ZNF263: variants seen among roughly 807,000 people sequenced by gnomAD.
ZNF263 encodes zinc finger protein 263.
ZNF263 carries 49 observed loss-of-function variants against 63.1 expected under a neutral mutation model. The ratio of observed to expected loss-of-function variants is 0.78; its 90% CI spans 0.62 to 0.99. The LOEUF is 0.99. ZNF263 is among the 50% of genes least tolerant of loss of function. ZNF263 has a pLI of 0.00. For missense variants in ZNF263, 872 were observed against 854.8 expected, an observed-to-expected ratio of 1.02 and a Z score of -0.25; for synonymous variants, 352 against 324.2, an observed-to-expected ratio of 1.09 and a Z score of -0.92.
In ZNF263 at chr16:3,283,668, C is replaced by T; in HGVS notation, c.-151C>T. ...ACTGAGGCCTAGGCGCCGGAGCCGG[C>T]CGCGCCTGGGCTGGAGCGGGGCTCC... On this transcript the variant is annotated 5_prime_UTR_variant, in exon 1 of 6. Transcript: ENST00000219069. The T allele has an allele frequency of 1.6e-6, 2 of 1,265,780 alleles. No homozygotes were observed. The highest frequency in any genetic ancestry group is 1.6e-5 in the African/African-American group (1 of 64,226). 78.4% of individuals were successfully genotyped at this position (1,265,780 alleles called of 1,614,324 possible). A position where few individuals can be genotyped will look rare whatever the true frequency, so the allele number is the denominator to read the frequency against.
In ZNF263 at chr16:3,297,456, C is replaced by CTT. The variant is rs1168352573; in HGVS notation, c.152-1625_152-1624dup. ...AGAATACCCATCTCAGAAACAGATTCTTTTTTTTTTTTTTTTTTTTTTTTT... is the reference window on the plus strand; with the variant it reads ...AGAATACCCATCTCAGAAACAGATTCTTTTTTTTTTTTTTTTTTTTTTTTTTT... On this transcript the variant is annotated intron_variant, in intron 1 of 2. Coordinates refer to the ZNF263 transcript ENST00000574674. Among the ~76,000 whole-genome samples the CTT allele has an allele frequency of 2.9e-3, 218 of 76,484 alleles. 34 individuals carry two copies. The highest frequency in any genetic ancestry group is 9.8e-3 in the East Asian group (24 of 2,438). 50.2% of individuals were successfully genotyped at this position (76,484 alleles called of 152,430 possible).
chr16:3,285,567 C>T (rs1366806300), intron 2 of ZNF263, 114 bp from the exon 3 acceptor site: 9 of 1,067,200 alleles, frequency 8.4e-6, no homozygotes, highest in African/African-American at 1.6e-5. Context: ...TGCAGTTTAG[C>T]GTCATTCCCA....
intron 2 of ZNF263, chr16:3,299,433 G>A (rs1441150355): frequency 3.0e-5 from 47 of 1,558,538 alleles, no homozygotes; most frequent in Non-Finnish European, 3.7e-5. Flanking sequence ...CATTTGCTAT[G>A]GTTATTTGTT....
At chr16:3,294,367 G>T (rs781065269), downstream of ZNF263, among the ~76,000 whole-genome samples, 5 of 152,182 alleles carry the variant, frequency 3.3e-5, no homozygotes, top group African/African-American at 7.2e-5. Flanking sequence ...CACGTAAAGT[G>T]TCTTAATGTG....
At chr16:3,301,370 T>C (rs942333300) in exon 3 of ZNF263, 13 of 167,118 alleles carry the variant, frequency 7.8e-5, no homozygotes, top group Non-Finnish European at 1.5e-4. Flanking sequence ...CCAACTTTTA[T>C]TGCATTCAAT....
chr16:3,288,422 G>A, intron 4 of ZNF263, 32 bp from the exon 5 acceptor site: 24 of 1,527,512 alleles, frequency 1.6e-5, no homozygotes, highest in Middle Eastern at 1.7e-4. Context: ...GAAAGTGGCA[G>A]TACAGAAATC....
chr16:3,297,516 G>A (rs1196708113), intron 1 of ZNF263, among the ~76,000 whole-genome samples: 2 of 134,238 alleles, frequency 1.5e-5, no homozygotes, highest in Non-Finnish European at 3.1e-5. Flanking sequence ...CCAGGCTGGA[G>A]TGCAGTGGCG....
downstream of ZNF263, among the ~76,000 whole-genome samples, chr16:3,295,498 C>T (rs1035237797): frequency 1.1e-4 from 17 of 152,310 alleles, no homozygotes; most frequent in South Asian, 4.1e-4. Context: ...GAGGCGGTGG[C>T]GCACCTGCAC....
chr16:3,293,925 T>TTTTTG (rs781588551), downstream of ZNF263, among the ~76,000 whole-genome samples: 2 of 152,306 alleles, frequency 1.3e-5, no homozygotes, highest in South Asian at 2.1e-4. Flanking sequence ...GCTCAGCACT[T>TTTTTG]TTTTGTTTTG....
intron 4 of ZNF263, among the ~76,000 whole-genome samples, chr16:3,287,860 C>G (rs1477819117): frequency 6.6e-6 from 1 of 151,256 alleles, no homozygotes; most frequent in Non-Finnish European, 1.5e-5. Context: ...ATGGATTATT[C>G]AAGGAACTGA....
At position 3,289,837 on chromosome 16, in the gene ZNF263, G is replaced by C; in HGVS notation, c.1331G>C (p.Ser444Thr). The C allele has an allele frequency of 6.2e-7, 1 of 1,614,214 alleles. No homozygotes were observed. The highest frequency in any genetic ancestry group is 8.5e-7 in the Non-Finnish European group (1 of 1,180,044). The change falls in exon 6 of 6, where the codon AGT (serine) becomes ACT (threonine). Residue 444 changes from serine (S) to threonine (T), a missense_variant. Transcript: ENST00000219069. ...TGCCTTGAATGTGGGAAATGCTTCA[G>C]TCAGAACACCCATCTGACTCGCCAC... is the stretch of plus-strand genomic sequence containing the variant. ...HKCLECGKCF[S>T]QNTHLTRHQR...
rs965251986 is a variant in ZNF263, at chr16:3,283,692, C to T, written c.-127C>T. The T allele has an allele frequency of 1.5e-6, 2 of 1,348,742 alleles. No individual in the cohort carries two copies. Among genetic ancestry groups the T allele is most frequent in the Non-Finnish European group, 1.9e-6 (2 of 1,053,964 alleles). The allele number at this position is 1,348,742 out of a possible 1,614,324, so 83.5% of individuals were successfully genotyped here. On this transcript the variant is annotated 5_prime_UTR_variant, in exon 1 of 6. Transcript: ENST00000219069. The stretch of plus-strand genomic sequence containing the variant: ...GCCGCGCCTGGGCTGGAGCGGGGCT[C>T]CTCGGCCTGGACTGGGAGCCCCCGG...
intron 1 of ZNF263, chr16:3,298,832 T>G: frequency 2.5e-6 from 1 of 406,128 alleles, no homozygotes. Context: ...CACAAATGTA[T>G]TATTTTCAAA....
intron 2 of ZNF263, chr16:3,299,393 G>A (rs1252538854): frequency 6.5e-7 from 1 of 1,549,650 alleles, no homozygotes; most frequent in Admixed American, 2.1e-5. Flanking sequence ...TCATATTCAG[G>A]TTCCTTTTTG....
intron 1 of ZNF263, among the ~76,000 whole-genome samples, chr16:3,296,786 A>G (rs1959757616): frequency 7.8e-6 from 1 of 127,532 alleles, no homozygotes. Flanking sequence ...CCTACCTAGG[A>G]ACAATAAAAA....
chr16:3,298,460 G>C (rs1259015969), intron 1 of ZNF263, among the ~76,000 whole-genome samples: 2 of 152,304 alleles, frequency 1.3e-5, no homozygotes, highest in East Asian at 1.9e-4. Flanking sequence ...GGTATACACC[G>C]AAGTGTTGAG....
chr16:3,297,804 C>G (rs142863537), intron 1 of ZNF263, among the ~76,000 whole-genome samples: 1 of 152,242 alleles, frequency 6.6e-6, no homozygotes, highest in East Asian at 1.9e-4. Context: ...AAAGGAAACA[C>G]TGAAAGCCAA....
exon 2 of ZNF263, chr16:3,299,130 AG>A: frequency 6.8e-7 from 1 of 1,475,836 alleles, no homozygotes; most frequent in Non-Finnish European, 9.0e-7. Context: ...TCTGAAACTC[AG>A]GTGTGGCATC....
At chr16:3,288,605 C>T in intron 5 of ZNF263, 35 bp downstream of exon 5, 1 of 1,499,668 alleles carries the variant, frequency 6.7e-7, no homozygotes, top group Non-Finnish European at 9.1e-7. Flanking sequence ...GCGCAGCAAG[C>T]AGCAAGGCTC....
Sources: gnomAD v4.1 joint callset for allele counts (sites outside exome capture counted in the v4.1 genomes callset) on GRCh38, gnomAD v4.1.1 for gene constraint, MANE v1.5 for transcripts, NCBI Gene and HGNC (gene_info 2026-07-23, HGNC 2026-07-21) for gene names.